TBXAS1: variants seen among roughly 807,000 people sequenced by gnomAD.
The protein encoded by TBXAS1 is thromboxane-A synthase.
A neutral mutation model predicts 60.7 loss-of-function variants in TBXAS1; 48 were observed. The ratio of observed to expected loss-of-function variants is 0.79; its 90% CI spans 0.63 to 1.01. The LOEUF is 1.01. TBXAS1 is among the 50% of genes least tolerant of loss of function. The pLI is 0.00. For missense variants in TBXAS1, 685 were observed against 686.3 expected (o/e 1.00, Z 0.02); for synonymous variants, 287 against 269.7 (o/e 1.06, Z -0.63).
chr7:139,845,226 C>T (rs1799718428), intron 1 of TBXAS1, among the ~76,000 whole-genome samples: 2 of 152,134 alleles, frequency 1.3e-5, no homozygotes, highest in Admixed American at 1.3e-4. Flanking sequence ...CTCACTGCTC[C>T]TCTGCATAAA....
intron 1 of TBXAS1, among the ~76,000 whole-genome samples, chr7:139,864,914 G>T (rs184473098): frequency 9.3e-4 from 142 of 152,250 alleles, no homozygotes; most frequent in African/African-American, 3.1e-3. Flanking sequence ...TCTGATGATT[G>T]ATTTGGCTTC....
chr7:140,007,107 G>A lies in TBXAS1; in HGVS notation c.1151G>A (p.Cys384Tyr). The change falls in exon 10 of 13, where the codon TGC (cysteine) becomes TAC (tyrosine). Residue 384 changes from cysteine (C) to tyrosine (Y), a missense_variant. Cys to Tyr is a radical substitution (Grantham distance 194). Transcript: ENST00000448866. The part of the protein sequence containing the change: ...FKEKHMAPEF[C>Y]SLEEGLPYLD... Reference sequence around the variant, plus strand: ...CTCCATCAGATGGCCCCTGAGTTCTGCAGCCTCGAGGAAGGCCTGCCCTAT... The same window carrying A: ...CTCCATCAGATGGCCCCTGAGTTCTACAGCCTCGAGGAAGGCCTGCCCTAT... 2.5e-6 allele frequency: 4 copies of A among 1,614,144 alleles called. No homozygotes were observed. Among genetic ancestry groups the A allele is most frequent in the Non-Finnish European group, 3.4e-6 (4 of 1,180,016 alleles).
chr7:139,835,046 G>T (rs1798965788), intron 1 of TBXAS1, among the ~76,000 whole-genome samples: 2 of 148,770 alleles, frequency 1.3e-5, no homozygotes. Flanking sequence ...TATCCTTGAT[G>T]AACATAGATA....
At chr7:139,828,645 C>T (rs10256282), upstream of TBXAS1, among the ~76,000 whole-genome samples, 103,880 of 152,162 alleles carry the variant, frequency 0.68, 37,358 homozygotes, top group East Asian at 0.92. Flanking sequence ...TCTCTCTGTC[C>T]ACTTTAGTCA....
At chr7:139,936,094 A>G in intron 4 of TBXAS1, 97 bp from the exon 5 acceptor site, 1 of 1,118,170 alleles carries the variant, frequency 8.9e-7, no homozygotes, top group South Asian at 1.2e-5. Context: ...TTGGCCACTG[A>G]TGGACTTTAA....
chr7:139,989,160 A>C (rs922144276), intron 9 of TBXAS1, among the ~76,000 whole-genome samples: 2 of 152,212 alleles, frequency 1.3e-5, no homozygotes, highest in African/African-American at 4.8e-5. Context: ...GAAACTTTCC[A>C]AAGAGACCCA....
At chr7:139,996,902 C>G (rs891467274) in intron 9 of TBXAS1, among the ~76,000 whole-genome samples, 2 of 152,320 alleles carry the variant, frequency 1.3e-5, no homozygotes, top group South Asian at 2.1e-4. Context: ...TGACTACTGG[C>G]CTTGTGATTG....
At chr7:139,987,889 C>G (rs1471758193) in intron 9 of TBXAS1, among the ~76,000 whole-genome samples, 4 of 152,188 alleles carry the variant, frequency 2.6e-5, no homozygotes, top group Non-Finnish European at 4.4e-5. Context: ...CTCCCAGGCC[C>G]TAGGGGGCAG....
chr7:139,862,488 G>A (rs964428161), intron 1 of TBXAS1, among the ~76,000 whole-genome samples: 3 of 152,238 alleles, frequency 2.0e-5, no homozygotes, highest in Admixed American at 2.0e-4. Context: ...CTTAGTTGGA[G>A]TGGGGGGAGG....
intron 4 of TBXAS1, among the ~76,000 whole-genome samples, chr7:139,821,317 G>T (rs2116442495): frequency 6.6e-6 from 1 of 152,318 alleles, no homozygotes; most frequent in Non-Finnish European, 1.5e-5. Context: ...GATGTCCAGT[G>T]GGCAGCTGGA....
chr7:139,826,896 C>T (rs762716858), upstream of TBXAS1, among the ~76,000 whole-genome samples: 1 of 152,126 alleles, frequency 6.6e-6, no homozygotes, highest in Non-Finnish European at 1.5e-5. Flanking sequence ...CTTGATTTTC[C>T]CAACAATACC....
chr7:139,872,964 C>T (rs1242861271), intron 2 of TBXAS1, among the ~76,000 whole-genome samples: 2 of 152,154 alleles, frequency 1.3e-5, no homozygotes, highest in Admixed American at 1.3e-4. Context: ...CCCTCAAGTG[C>T]ACTGTCAAAT....
chr7:139,801,916 A>C (rs1443201410), intron 4 of TBXAS1, among the ~76,000 whole-genome samples: 2 of 152,170 alleles, frequency 1.3e-5, no homozygotes, highest in African/African-American at 4.8e-5. Flanking sequence ...GATGCACGCC[A>C]CTGTGTCTGG....
chr7:139,890,506 C>T (rs1465545355), intron 3 of TBXAS1, among the ~76,000 whole-genome samples: 1 of 152,088 alleles, frequency 6.6e-6, no homozygotes, highest in Non-Finnish European at 1.5e-5. Flanking sequence ...TGAGCCACCG[C>T]GCCCGGCCAG....
Position 139,953,389 on chromosome 7 carries a change from G to A in TBXAS1, c.472G>A (p.Ala158Thr). The A allele has an allele frequency of 6.2e-7, 1 of 1,614,156 alleles. No individual in the cohort carries two copies. Among genetic ancestry groups the A allele is most frequent in the Admixed American group, 1.7e-5 (1 of 60,030 alleles). Residue 158 changes from alanine to threonine, a missense_variant, in exon 6 of 13, where the codon GCC (alanine) becomes ACC (threonine). Physicochemically the swap from Ala to Thr is moderately conservative, Grantham distance 58. Transcript: ENST00000448866. ...LNEMVPLISQ[A>T]CDLLLAHLKR... ...TCAGATGGTTCCCCTCATCAGCCAA[G>A]CCTGCGACCTTCTCCTGGCTCATTT...
intron 4 of TBXAS1, among the ~76,000 whole-genome samples, chr7:139,801,546 T>C (rs186477578): frequency 1.3e-5 from 2 of 152,058 alleles, no homozygotes; most frequent in Non-Finnish European, 2.9e-5. Context: ...CTCAGCTCAC[T>C]GCAACCTCTG....
At chr7:139,906,999 T>A (rs1805154600) in intron 3 of TBXAS1, among the ~76,000 whole-genome samples, 1 of 152,216 alleles carries the variant, frequency 6.6e-6, no homozygotes, top group African/African-American at 2.4e-5. Context: ...ACAATTTTAT[T>A]TATTCCTTTT....
chr7:139,778,598 G>T lies in TBXAS1; in HGVS notation c.-318+127G>T, dbSNP rs532051833. 2.2e-4 allele frequency: 34 copies of T among 152,548 alleles called. No individual in the cohort carries two copies. The highest frequency in any genetic ancestry group is 4.3e-4 in the Non-Finnish European group (29 of 68,092). The allele number at this position is 152,548 out of a possible 1,614,324, so 9.4% of individuals were successfully genotyped here. On this transcript the variant is annotated intron_variant, in intron 1 of 16. Transcript: ENST00000336425. The surrounding 1 kb of genome is among the most constrained non-coding windows in gnomAD (Gnocchi z 4.8). The stretch of plus-strand genomic sequence containing the variant: ...CCGAAGCCCTGCCGTGCACGCCGCG[G>T]AAATGCAGCCCCCGGGGTGGTCGCT...
rs899626278 is a variant in TBXAS1 at position 140,018,986 on chromosome 7, C to A, written c.1528-1039C>A. On this transcript the variant is annotated intron_variant, in intron 12 of 12. Transcript: ENST00000448866. ...ACAGCGTTAGCTATTCCCTGCCTAT[C>A]CTGACCACTGCTGTCCCCTGCACCT... is the stretch of plus-strand genomic sequence containing the variant. 2.6e-5 allele frequency among the ~76,000 whole-genome samples: 4 copies of A among 152,348 alleles called. No individual in the cohort carries two copies. In the East Asian group the frequency reaches 7.7e-4, roughly 29 times the overall value.
Sources: gnomAD v4.1 joint callset for allele counts (sites outside exome capture counted in the v4.1 genomes callset) on GRCh38, gnomAD v4.1.1 for gene constraint, Gnocchi (gnomAD v3.1) non-coding constraint, MANE v1.5 for transcripts, NCBI Gene and HGNC (gene_info 2026-07-23, HGNC 2026-07-21) for gene names.